MAPK14: variants seen among roughly 807,000 people sequenced by gnomAD.
MAPK14 encodes the protein CSAID-binding protein.
MAPK14 carries 16 observed loss-of-function variants against 49.6 expected under a neutral mutation model. The observed-to-expected ratio is 0.32, with a 90% CI of 0.22 to 0.49. The LOEUF (loss-of-function observed/expected upper bound fraction) is 0.49, where lower values mean the gene tolerates loss of function less well. Among genes scored for constraint, MAPK14 ranks in the 20% least tolerant of loss-of-function variants. MAPK14 has a pLI of 0.99. For synonymous variants in MAPK14, 142 were observed against 158.0 expected, an observed-to-expected ratio of 0.90 and a Z score of 0.76; for missense variants, 200 against 441.2, an observed-to-expected ratio of 0.45 and a Z score of 4.90.
chr6:36,084,828 C>T (rs944690849), intron 8 of MAPK14, among the ~76,000 whole-genome samples: 1 of 152,042 alleles, frequency 6.6e-6, no homozygotes, highest in Non-Finnish European at 1.5e-5. Flanking sequence ...CCTAGAGAAC[C>T]CCAGTAAGCT....
intron 1 of MAPK14, among the ~76,000 whole-genome samples, chr6:36,042,933 G>A (rs937781505): frequency 3.9e-5 from 6 of 152,052 alleles, no homozygotes; most frequent in Admixed American, 2.0e-4. Context: ...ACCAGCCTGG[G>A]CAACATGGTG....
At chr6:36,037,075 T>C (rs1762781733) in intron 1 of MAPK14, among the ~76,000 whole-genome samples, 1 of 152,196 alleles carries the variant, frequency 6.6e-6, no homozygotes, top group African/African-American at 2.4e-5. Context: ...TATGTGCATA[T>C]ATATATTTTT....
At chr6:36,093,720 C>CAAAAAAA (rs11343231) in intron 8 of MAPK14, among the ~76,000 whole-genome samples, 5 of 83,114 alleles carry the variant, frequency 6.0e-5, no homozygotes, top group African/African-American at 1.4e-4. Flanking sequence ...GACTCCGTCT[C>CAAAAAAA]AAAAAAAAAA....
intron 3 of MAPK14, among the ~76,000 whole-genome samples, chr6:36,072,594 G>A (rs769482158): frequency 4.6e-5 from 7 of 151,806 alleles, no homozygotes; most frequent in South Asian, 4.2e-4. Context: ...GTGAAACCTC[G>A]TCTCCACTAA....
chr6:36,027,815 C>A lies in MAPK14; in HGVS notation c.-343C>A, dbSNP rs1249282557. 7.5e-6 allele frequency: 3 copies of A among 400,818 alleles called. No homozygotes were observed. The highest frequency in any genetic ancestry group is 8.8e-6 in the Non-Finnish European group (2 of 227,798). The allele number at this position is 400,818 out of a possible 1,614,324, so 24.8% of individuals were successfully genotyped here. A position where few individuals can be genotyped will look rare whatever the true frequency, so the allele number is the denominator to read the frequency against. ...GCTCTTGGAACCGCGACCACTGGAG[C>A]CTTAGCGGGCGCAGCAGCTGGAACG... On this transcript the variant is annotated 5_prime_UTR_variant, in exon 1 of 12. Coordinates refer to ENST00000229794, the MANE Select transcript of MAPK14 (RefSeq NM_139012.3).
At position 36,109,522 on chromosome 6, in the gene MAPK14, T is replaced by G. The variant is rs1441421919; in HGVS notation, c.*1075T>G. ...TCAGCTGATATTATGGCAAGTGATA[T>G]CACCTCTCTTCAGCCCCTAGTGCTA... On this transcript the variant is annotated 3_prime_UTR_variant, in exon 12 of 12. Transcript: ENST00000229794. The G allele has an allele frequency of 6.5e-6, 1 of 152,690 alleles. No individual in the cohort carries two copies. Among genetic ancestry groups the G allele is most frequent in the Non-Finnish European group, 1.5e-5 (1 of 68,048 alleles). The allele number at this position is 152,690 out of a possible 1,614,324, so 9.5% of individuals were successfully genotyped here. A position where few individuals can be genotyped will look rare whatever the true frequency, so the allele number is the denominator to read the frequency against.
At chr6:36,073,774 A>G in intron 5 of MAPK14, 54 bp downstream of exon 5, 1 of 1,530,040 alleles carries the variant, frequency 6.5e-7, no homozygotes, top group East Asian at 2.3e-5. Context: ...TGAGAGTGGA[A>G]GAATGGCATT....
At chr6:36,045,550 T>A (rs1763138984) in intron 1 of MAPK14, among the ~76,000 whole-genome samples, 1 of 152,062 alleles carries the variant, frequency 6.6e-6, no homozygotes, top group Admixed American at 6.5e-5. Context: ...GGCTCACGCC[T>A]GTAATCCCAG....
chr6:36,040,225 C>T (rs2237096), intron 1 of MAPK14, among the ~76,000 whole-genome samples: 18,026 of 152,042 alleles, frequency 0.12, 1,183 homozygotes, highest in African/African-American at 0.18. Context: ...GTATGTTTAG[C>T]AGCATCCCTG....
chr6:36,040,009 A>G lies in MAPK14; in HGVS notation c.116+11736A>G, dbSNP rs184994455. Among the ~76,000 whole-genome samples, 45 of 152,200 alleles carry G rather than the reference A, an allele frequency of 3.0e-4. No homozygotes were observed. The East Asian group carries it at 3.1e-3, about 10-fold the overall frequency. On this transcript the variant is annotated intron_variant, in intron 1 of 11. Transcript: ENST00000229794. ...AGACTCAGTCTCAAAAAAAAAAAAA[A>G]AAAGAAAGTATCAGTCCAGAGGAGA...
chr6:36,114,613 T>C (rs1286198160), downstream of MAPK14, among the ~76,000 whole-genome samples: 1 of 148,574 alleles, frequency 6.7e-6, no homozygotes, highest in Non-Finnish European at 1.5e-5. Context: ...AGTGGAACTC[T>C]GTTTAAAAAA....
chr6:36,051,596 C>A lies in MAPK14; in HGVS notation c.117-1103C>A, dbSNP rs1015201955. On this transcript the variant is annotated intron_variant, in intron 1 of 11. Coordinates refer to ENST00000229794, the MANE Select transcript of MAPK14 (RefSeq NM_139012.3). ...TGCCATACGTTTCCTACCTCTGTTTCTTTTTTCGTTTGTTTGCACTTGCTC... is the reference window on the plus strand; with the variant it reads ...TGCCATACGTTTCCTACCTCTGTTTATTTTTTCGTTTGTTTGCACTTGCTC... Among the ~76,000 whole-genome samples, 3 of 152,084 alleles carry A rather than the reference C, an allele frequency of 2.0e-5. No homozygotes were observed. The East Asian group carries it at 5.8e-4, about 29-fold the overall frequency.
chr6:36,044,494 G>A (rs1763095232), intron 1 of MAPK14, among the ~76,000 whole-genome samples: 1 of 151,992 alleles, frequency 6.6e-6, no homozygotes, highest in South Asian at 2.1e-4. Flanking sequence ...TTATTGATCT[G>A]CCATTACCTT....
chr6:36,122,326 C>G, the MAPK14 span, among the ~76,000 whole-genome samples: 1 of 152,248 alleles, frequency 6.6e-6, no homozygotes, highest in Non-Finnish European at 1.5e-5. Flanking sequence ...ACACAGGAGT[C>G]CAGGCAGGAC....
chr6:36,046,384 A>G (rs851019), intron 1 of MAPK14, among the ~76,000 whole-genome samples: 64,085 of 152,094 alleles, frequency 0.42, 15,098 homozygotes, highest in South Asian at 0.62. Context: ...GTTGTTCATG[A>G]AAACAAGGTT....
chr6:36,103,693 G>A (rs989080437), intron 10 of MAPK14, among the ~76,000 whole-genome samples: 1 of 152,180 alleles, frequency 6.6e-6, no homozygotes, highest in African/African-American at 2.4e-5. Flanking sequence ...CCTGAAAGCT[G>A]CTTTGCCTGA....
chr6:36,029,388 C>G (rs906428466), intron 1 of MAPK14, among the ~76,000 whole-genome samples: 3 of 152,138 alleles, frequency 2.0e-5, no homozygotes, highest in Non-Finnish European at 2.9e-5. Flanking sequence ...ATTTCCAGAC[C>G]TGAAATATTT....
rs1191448804 is a variant in MAPK14 at position 36,052,756 on chromosome 6, A to G, written c.174A>G (p.Pro58=). 11 of 1,612,580 alleles carry G rather than the reference A, an allele frequency of 6.8e-6. No individual in the cohort carries two copies. The highest frequency in any genetic ancestry group is 8.5e-7 in the Non-Finnish European group (1 of 1,179,302). The change falls in exon 2 of 12, where the codon CCA becomes CCG. Residue 58 remains proline (P), a synonymous_variant. Coordinates refer to ENST00000229794, the MANE Select transcript of MAPK14 (RefSeq NM_139012.3). ...LRVAVKKLSR[P]FQSIIHAKRT... is the part of the protein sequence containing the mutation. ...TGGCAGTGAAGAAGCTCTCCAGACC[A>G]TTTCAGTCCATCATTCATGCGAAAA...
rs1765838810 is a variant in MAPK14, at chr6:36,107,652, C to T, written c.1015+24C>T. 1.3e-6 allele frequency: 2 copies of T among 1,495,004 alleles called. No individual in the cohort carries two copies. Among genetic ancestry groups the T allele is most frequent in the East Asian group, 2.4e-5 (1 of 42,290 alleles). 92.6% of individuals were successfully genotyped at this position (1,495,004 alleles called of 1,614,324 possible). ...AAGTAAGTCCTAAGGGTAGGATTAA[C>T]ATCTTGAACCACTAACCAAAAGCGG... On this transcript the variant is annotated intron_variant, in intron 11 of 11. Transcript: ENST00000229794. The surrounding 1 kb of genome is among the most constrained non-coding windows in gnomAD (Gnocchi z 4.3).
Sources: allele counts gnomAD v4.1 joint callset (sites outside exome capture counted in the v4.1 genomes callset), GRCh38; gene constraint gnomAD v4.1.1; non-coding constraint Gnocchi (gnomAD v3.1); transcripts MANE v1.5; gene names NCBI Gene and HGNC (gene_info 2026-07-23, HGNC 2026-07-21).